Variants in RBFOX1 observed in about 807,000 individuals in gnomAD.
The protein encoded by RBFOX1 is RNA binding fox-1 homolog 1.
A neutral mutation model predicts 57.7 loss-of-function variants in RBFOX1; 8 were observed. That is an observed-to-expected ratio of 0.14 (90% CI 0.08 to 0.25). RBFOX1 has a LOEUF of 0.25. RBFOX1 is among the 10% of genes least tolerant of loss of function. The pLI is 1.00. For missense variants in RBFOX1, 611 were observed against 548.5 expected, an observed-to-expected ratio of 1.11 and a Z score of -1.14; for synonymous variants, 326 against 222.4, an observed-to-expected ratio of 1.47 and a Z score of -4.15.
chr16:5,280,748 C>T (rs947576343), intron 1 of RBFOX1, among the ~76,000 whole-genome samples: 3 of 151,570 alleles, frequency 2.0e-5, no homozygotes, highest in African/African-American at 4.8e-5. Flanking sequence ...CTCTAATGAT[C>T]CTTTTTATTT....
intron 4 of RBFOX1, among the ~76,000 whole-genome samples, chr16:7,481,006 A>T (rs2063801955): frequency 6.6e-6 from 1 of 152,152 alleles, no homozygotes; most frequent in Non-Finnish European, 1.5e-5. Flanking sequence ...CATGATATCC[A>T]AGTGATATGG....
At chr16:6,530,754 T>C (rs62015467) in intron 2 of RBFOX1, among the ~76,000 whole-genome samples, 126,952 of 150,698 alleles carry the variant, frequency 0.84, 57,091 homozygotes, top group East Asian at 1. Context: ...AACCGTCCCT[T>C]CCCCACCCCC....
chr16:7,543,728 TTATA>T (rs1317165499), intron 5 of RBFOX1, among the ~76,000 whole-genome samples: 3 of 150,920 alleles, frequency 2.0e-5, no homozygotes, highest in Admixed American at 2.0e-4. Context: ...TGTTTATTTT[TTATA>T]TATTTATTTT....
chr16:6,199,034 G>A (rs1487186608), intron 1 of RBFOX1, among the ~76,000 whole-genome samples: 4 of 151,632 alleles, frequency 2.6e-5, no homozygotes, highest in Non-Finnish European at 5.9e-5. Flanking sequence ...TTTATGAAAA[G>A]CAAATAGGTC....
chr16:7,344,718 G>A (rs2096961843), intron 4 of RBFOX1, among the ~76,000 whole-genome samples: 1 of 152,198 alleles, frequency 6.6e-6, no homozygotes, highest in African/African-American at 2.4e-5. Context: ...GCTCAGCAAA[G>A]TGGAACAATT....
At chr16:7,130,096 G>C (rs1193809557) in intron 4 of RBFOX1, among the ~76,000 whole-genome samples, 1 of 149,966 alleles carries the variant, frequency 6.7e-6, no homozygotes, top group African/African-American at 2.5e-5. Context: ...GCAATGGCGA[G>C]ATCTTGGCCC....
At chr16:7,371,051 TCTC>T in intron 4 of RBFOX1, among the ~76,000 whole-genome samples, 1 of 152,276 alleles carries the variant, frequency 6.6e-6, no homozygotes, top group Non-Finnish European at 1.5e-5. Flanking sequence ...TGTATTTTGT[TCTC>T]CTCTCCTCTA....
chr16:6,357,090 C>T lies in RBFOX1; in HGVS notation c.-64+40033C>T, dbSNP rs112896353. Among the ~76,000 whole-genome samples, 441 of 152,174 alleles carry T rather than the reference C, an allele frequency of 2.9e-3. 1 individual carries two copies. The highest frequency in any genetic ancestry group is 9.9e-3 in the African/African-American group (412 of 41,540). ...ATTTGGCCAAGGGAAGCAGCGCTCA[C>T]TCTCCCCAGTCCCTCCCCTCCTGCC... On this transcript the variant is annotated intron_variant, in intron 2 of 15. Transcript: ENST00000550418.
At chr16:6,195,532 A>G (rs1445751131) in intron 1 of RBFOX1, among the ~76,000 whole-genome samples, 1 of 152,128 alleles carries the variant, frequency 6.6e-6, no homozygotes, top group African/African-American at 2.4e-5. Context: ...AGCCTGACCA[A>G]CATGGAGAAA....
At chr16:6,683,906 G>A (rs1402434627) in intron 3 of RBFOX1, among the ~76,000 whole-genome samples, 1 of 152,170 alleles carries the variant, frequency 6.6e-6, no homozygotes, top group African/African-American at 2.4e-5. Context: ...AAGAGTAGAG[G>A]GAGATCGCAT....
intron 1 of RBFOX1, among the ~76,000 whole-genome samples, chr16:5,271,628 A>G (rs2063010701): frequency 6.6e-6 from 1 of 152,232 alleles, no homozygotes; most frequent in African/African-American, 2.4e-5. Context: ...ACGTCCTTAG[A>G]AGGTCGATGA....
At chr16:6,448,532 T>A (rs971187149) in intron 2 of RBFOX1, among the ~76,000 whole-genome samples, 1 of 152,162 alleles carries the variant, frequency 6.6e-6, no homozygotes, top group African/African-American at 2.4e-5. Flanking sequence ...TTTCTGTGTA[T>A]CACAGAATGT....
rs527659429 is a variant in RBFOX1 at position 7,523,569 on chromosome 16, C to G, written c.270+5180C>G. ...ATGGTGGACCGGTTAGCTGTCTACT[C>G]TGTCTTCTCCAGCAATGTTTGGATG... On this transcript the variant is annotated intron_variant, in intron 5 of 15. Coordinates refer to ENST00000550418, the MANE Select transcript of RBFOX1 (RefSeq NM_018723.4). 2.7e-3 allele frequency among the ~76,000 whole-genome samples: 418 copies of G among 152,280 alleles called. 4 individuals are homozygous for G. Among genetic ancestry groups the G allele is most frequent in the Non-Finnish European group, 4.2e-3 (285 of 68,024 alleles).
chr16:7,202,311 AAAAG>A (rs1375798441), intron 4 of RBFOX1, among the ~76,000 whole-genome samples: 1 of 151,982 alleles, frequency 6.6e-6, no homozygotes, highest in Non-Finnish European at 1.5e-5. Flanking sequence ...AAAAAAAAAA[AAAAG>A]AAGCACAGAA....
chr16:6,665,367 C>G (rs2098725433), intron 3 of RBFOX1, among the ~76,000 whole-genome samples: 1 of 152,080 alleles, frequency 6.6e-6, no homozygotes, highest in Non-Finnish European at 1.5e-5. Flanking sequence ...TAATGCCAGC[C>G]CTTTGGGAGG....
chr16:6,134,695 T>G (rs1342492791), intron 1 of RBFOX1, among the ~76,000 whole-genome samples: 1 of 151,540 alleles, frequency 6.6e-6, no homozygotes, highest in Non-Finnish European at 1.5e-5. Context: ...TTTTTTTTTT[T>G]GAAATGGAGT....
At position 7,287,651 on chromosome 16, in the gene RBFOX1, A is replaced by G. The variant is rs1013859718; in HGVS notation, c.28-230496A>G. ...CGCTCATTATTAAAAACTTGGATTGATTGACAATTTTGAAAAATGATAAAA... is the reference window on the plus strand; with the variant it reads ...CGCTCATTATTAAAAACTTGGATTGGTTGACAATTTTGAAAAATGATAAAA... On this transcript the variant is annotated intron_variant, in intron 4 of 15. Transcript: ENST00000550418. 2.6e-5 allele frequency among the ~76,000 whole-genome samples: 4 copies of G among 152,164 alleles called. No individual in the cohort carries two copies. The South Asian group carries it at 8.3e-4, about 32-fold the overall frequency.
intron 2 of RBFOX1, among the ~76,000 whole-genome samples, chr16:6,413,844 A>T (rs890242605): frequency 5.3e-5 from 8 of 152,012 alleles, no homozygotes; most frequent in Non-Finnish European, 1.0e-4. Context: ...TGTTGGGGGG[A>T]ACTATGGCGA....
chr16:6,954,208 A>T (rs897042332), intron 3 of RBFOX1, among the ~76,000 whole-genome samples: 3 of 152,080 alleles, frequency 2.0e-5, no homozygotes, highest in Non-Finnish European at 4.4e-5. Flanking sequence ...ATGTAAAAAG[A>T]GAGTGGCAAA....
Sources: gnomAD v4.1 joint callset for allele counts (sites outside exome capture counted in the v4.1 genomes callset) on GRCh38, gnomAD v4.1.1 for gene constraint, MANE v1.5 for transcripts, NCBI Gene and HGNC (gene_info 2026-07-23, HGNC 2026-07-21) for gene names.